Variants in FUS observed in about 807,000 individuals in gnomAD.
The protein encoded by FUS is FUS RNA binding protein.
Under a neutral mutation model 82.7 loss-of-function variants are expected in FUS, and 5 were observed. The ratio of observed to expected loss-of-function variants is 0.06; its 90% CI spans 0.03 to 0.13. The LOEUF is 0.13. FUS is among the 10% of genes least tolerant of loss of function. FUS has a pLI of 1.00. For synonymous variants in FUS, 281 were observed against 247.4 expected (o/e 1.14, Z -1.27); for missense variants, 512 against 707.8 (o/e 0.72, Z 3.14).
chr16:31,189,943 C>G (rs1009019707), intron 10 of FUS, 97 bp from the exon 11 acceptor site: 32 of 1,557,502 alleles, frequency 2.1e-5, no homozygotes, highest in Non-Finnish European at 2.8e-5. Flanking sequence ...TATGTGTCAG[C>G]AGATTATAAA....
Position 31,180,241 on chromosome 16 carries a change from C to A in FUS, c.13+14C>A, listed in dbSNP as rs757723986. 4.4e-6 allele frequency: 7 copies of A among 1,608,846 alleles called. No individual in the cohort carries two copies. In the African/African-American group the frequency reaches 9.3e-5, roughly 21 times the overall value. Reference sequence around the variant, plus strand: ...TGGCCTCAAACGGTAGGTAAGGGCGCGAGGCGACGGCGGCGGCGCACCCGG... The same window carrying A: ...TGGCCTCAAACGGTAGGTAAGGGCGAGAGGCGACGGCGGCGGCGCACCCGG... On this transcript the variant is annotated intron_variant, in intron 1 of 14. Coordinates refer to ENST00000254108, the MANE Select transcript of FUS (RefSeq NM_004960.4).
rs749521951 is a variant in FUS at position 31,185,228 on chromosome 16, A to T, written c.764+49A>T. 5.2e-6 allele frequency: 8 copies of T among 1,548,858 alleles called. No individual in the cohort carries two copies. The Admixed American group carries it at 1.1e-4, about 22-fold the overall frequency. ...GTATCTTTGGTGGGGAGTGTGGAGG[A>T]TTGCATGAATCTCCCTGAAGCCAGT... On this transcript the variant is annotated intron_variant, in intron 6 of 14. Transcript: ENST00000254108.
At chr16:31,186,953 C>A (rs997757065) in intron 7 of FUS, 117 bp downstream of exon 7, 2 of 1,016,886 alleles carry the variant, frequency 2.0e-6, no homozygotes, top group Non-Finnish European at 3.1e-6. Context: ...TGTCCAGAAC[C>A]ACCTCCAGAA....
In FUS at chr16:31,185,077, G is replaced by C. The variant is rs895300692; in HGVS notation, c.662G>C (p.Ser221Thr). The change falls in exon 6 of 15, where the codon AGT becomes ACT. Residue 221 changes from serine (S) to threonine (T), a missense_variant. By Grantham distance (58) the Ser-to-Thr change is moderately conservative. Around this residue, in one of 6 missense-constraint regions of FUS, gnomAD observed 276 missense variants for 303.3 expected, o/e 0.91. Coordinates refer to ENST00000254108, the MANE Select transcript of FUS (RefSeq NM_004960.4). Reference protein sequence around the residue: ...QDRGGRGRGGSGGGGGGGGGG... With the variant: ...QDRGGRGRGGTGGGGGGGGGG... ...CGTGGAGGCCGCGGCAGGGGTGGCA[G>C]TGGTGGCGGCGGCGGCGGCGGCGGT... 1 of 1,609,736 alleles carries C rather than the reference G, an allele frequency of 6.2e-7. No individual in the cohort carries two copies. The highest frequency in any genetic ancestry group is 8.5e-7 in the Non-Finnish European group (1 of 1,177,996).
At chr16:31,187,142 CTG>C in intron 7 of FUS, 1 of 498,356 alleles carries the variant, frequency 2.0e-6, no homozygotes, top group Non-Finnish European at 3.7e-6. Context: ...TCATGAGAAA[CTG>C]GAGAGTGCGT....
chr16:31,190,931 G>C lies in FUS; in HGVS notation c.1394-32G>C, dbSNP rs187889178. On this transcript the variant is annotated intron_variant, in intron 13 of 14. Coordinates refer to ENST00000254108, the MANE Select transcript of FUS (RefSeq NM_004960.4). ...AGGCTCGGGGAACATAGGGGAATGG[G>C]AATATGATAGATCTTGTTTCTTTTG... is the stretch of plus-strand genomic sequence containing the variant. 3.7e-6 allele frequency: 6 copies of C among 1,611,538 alleles called. No homozygotes were observed. In the South Asian group the frequency reaches 5.5e-5, roughly 15 times the overall value.
downstream of FUS, chr16:31,193,050 C>A (rs2079381686): frequency 4.1e-6 from 2 of 484,560 alleles, no homozygotes; most frequent in Non-Finnish European, 8.2e-6. Context: ...GCAACTGCCG[C>A]CTCCTGGGTT....
intron 9 of FUS, 149 bp downstream of exon 9, chr16:31,189,375 A>C (rs973089054): frequency 1.1e-5 from 9 of 800,402 alleles, no homozygotes; most frequent in Admixed American, 2.0e-5. Context: ...AAAGAGCCTT[A>C]GTTACTGTTT....
Position 31,191,455 on chromosome 16 carries a change from G to C in FUS, c.*17G>C, listed in dbSNP as rs1032932399. ...CCGTATTAATTAGCCTGGCTCCCCA[G>C]GTTCTGGAACAGCTTTTTGTCCTGT... On this transcript the variant is annotated 3_prime_UTR_variant, in exon 15 of 15. Transcript: ENST00000254108. The C allele has an allele frequency of 1.2e-6, 2 of 1,613,276 alleles. No homozygotes were observed. The highest frequency in any genetic ancestry group is 3.3e-5 in the Admixed American group (2 of 59,934).
intron 6 of FUS, 76 bp downstream of exon 6, chr16:31,185,255 C>G (rs2079250798): frequency 2.0e-6 from 3 of 1,472,564 alleles, no homozygotes; most frequent in Admixed American, 2.2e-5. Flanking sequence ...GAAGCCAGTC[C>G]CTAGTGCATG....
intron 8 of FUS, 54 bp from the exon 9 acceptor site, chr16:31,189,069 C>T: frequency 1.4e-6 from 2 of 1,386,980 alleles, no homozygotes; most frequent in Non-Finnish European, 1.0e-6. Context: ...AGGTTTTTTC[C>T]TGTGTTTTTT....
intron 6 of FUS, 85 bp from the exon 7 acceptor site, chr16:31,186,717 T>G: frequency 7.6e-7 from 1 of 1,319,288 alleles, no homozygotes; most frequent in Non-Finnish European, 1.1e-6. Context: ...CTACCCATGT[T>G]TGGGGAATGT....
chr16:31,183,441 G>C, intron 3 of FUS: 1 of 201,678 alleles, frequency 5.0e-6, no homozygotes, highest in East Asian at 1.1e-4. Context: ...CTGAAATGGA[G>C]AAAATGGTTT....
Position 31,190,124 on chromosome 16 carries a change from G to A in FUS, c.1151G>A (p.Gly384Glu), listed in dbSNP as rs200292328. The change falls in exon 11 of 15, where the codon GGA (glycine) becomes GAA (glutamate). Residue 384 changes from glycine (G) to glutamate (E), a missense_variant. Gly to Glu is a moderately conservative substitution (Grantham distance 98, BLOSUM62 -2). This residue lies in a region of FUS where 63 missense variants were observed against 83.0 expected (regional missense o/e 0.76). Transcript: ENST00000254108. ...AATCGGGGTGGTGGCAATGGTCGTGGAGGCCGAGGGCGAGGAGGTGAGGAG... is the reference window on the plus strand; with the variant it reads ...AATCGGGGTGGTGGCAATGGTCGTGAAGGCCGAGGGCGAGGAGGTGAGGAG... ...DFNRGGGNGR[G>E]GRGRGGPMGR... The A allele has an allele frequency of 6.2e-7, 1 of 1,614,166 alleles. No homozygotes were observed. The highest frequency in any genetic ancestry group is 2.2e-5 in the East Asian group (1 of 44,888).
At chr16:31,182,321 A>C in intron 1 of FUS, 77 bp from the exon 2 acceptor site, 1 of 1,540,728 alleles carries the variant, frequency 6.5e-7, no homozygotes, top group Non-Finnish European at 9.0e-7. Context: ...TCAGTGCTTG[A>C]GTTAAGGAAT....
intron 8 of FUS, chr16:31,188,562 T>C: frequency 1.6e-6 from 1 of 639,336 alleles, no homozygotes; most frequent in Non-Finnish European, 2.7e-6. Flanking sequence ...CCACCCCCAG[T>C]GATTTAGGTC....
rs763877241 is a variant in FUS, at chr16:31,180,149, C to T, written c.-66C>T. Reference sequence around the variant, plus strand: ...GCAGGAGGCGGGGCTGCTCAGTCCTCCAGGCGTCGGTACTCAGCGGTGTTG... The same window carrying T: ...GCAGGAGGCGGGGCTGCTCAGTCCTTCAGGCGTCGGTACTCAGCGGTGTTG... On this transcript the variant is annotated 5_prime_UTR_variant, in exon 1 of 15. Coordinates refer to ENST00000254108, the MANE Select transcript of FUS (RefSeq NM_004960.4). 32 of 1,588,648 alleles carry T rather than the reference C, an allele frequency of 2.0e-5. No homozygotes were observed. Among genetic ancestry groups the T allele is most frequent in the Non-Finnish European group, 2.6e-5 (30 of 1,167,056 alleles).
At chr16:31,194,091 A>G (rs904589257), downstream of FUS, 12 of 534,020 alleles carry the variant, frequency 2.2e-5, no homozygotes, top group Non-Finnish European at 4.0e-5. Context: ...CCCTTCCTTG[A>G]TGTAGCCTTC....
downstream of FUS, chr16:31,193,939 G>A (rs1368748873): frequency 3.8e-6 from 2 of 529,662 alleles, no homozygotes; most frequent in South Asian, 3.1e-5. Context: ...GACCCACTGC[G>A]TTTGGCCAGA....
Sources: allele counts gnomAD v4.1 joint callset, GRCh38; gene constraint gnomAD v4.1.1; regional missense constraint gnomAD v4.1.1; transcripts MANE v1.5; gene names NCBI Gene and HGNC (gene_info 2026-07-23, HGNC 2026-07-21).